PRDM14: variants seen among roughly 807,000 people sequenced by gnomAD.
PRDM14 encodes PR/SET domain 14.
Under a neutral mutation model 48.0 loss-of-function variants are expected in PRDM14, and 16 were observed. The ratio of observed to expected loss-of-function variants is 0.33; its 90% confidence interval spans 0.23 to 0.51. PRDM14 has a LOEUF of 0.51. PRDM14 is among the 20% of genes least tolerant of loss of function. The probability of loss-of-function intolerance (pLI) is 0.97; values close to 1 mark genes in which losing one functional copy is unlikely to be tolerated. For synonymous variants in PRDM14, 264 were observed against 276.6 expected (o/e 0.95, Z 0.45); for missense variants, 566 against 719.6 (o/e 0.79, Z 2.44).
chr8:70,061,510 G>T (rs942103500), intron 5 of PRDM14, among the ~76,000 whole-genome samples: 1 of 152,146 alleles, frequency 6.6e-6, no homozygotes, highest in Non-Finnish European at 1.5e-5. Flanking sequence ...CCATCGCCCT[G>T]CTCTGTCTAT....
intron 6 of PRDM14, among the ~76,000 whole-genome samples, chr8:70,057,646 T>G (rs1805498314): frequency 6.6e-6 from 1 of 152,198 alleles, no homozygotes; most frequent in African/African-American, 2.4e-5. Context: ...AGCCATAATT[T>G]ATATAATCAA....
At chr8:70,063,689 A>T (rs1477420147) in intron 5 of PRDM14, among the ~76,000 whole-genome samples, 1 of 151,718 alleles carries the variant, frequency 6.6e-6, no homozygotes, top group African/African-American at 2.4e-5. Context: ...CACCCAGCTA[A>T]TTTTTTGTAT....
chr8:70,063,888 G>A (rs1805624982), intron 5 of PRDM14, among the ~76,000 whole-genome samples: 1 of 152,154 alleles, frequency 6.6e-6, no homozygotes, highest in Admixed American at 6.6e-5. Flanking sequence ...TTGGTTTGGT[G>A]CTAAGTAGGA....
intron 5 of PRDM14, among the ~76,000 whole-genome samples, chr8:70,059,108 C>T (rs1433094355): frequency 6.6e-6 from 1 of 151,858 alleles, no homozygotes; most frequent in Non-Finnish European, 1.5e-5. Flanking sequence ...GTGCCCACTA[C>T]CACGCCTGGC....
In PRDM14 at chr8:70,068,228, AC is replaced by A. The variant is rs1329241340; in HGVS notation, c.912+1del. 1 of 1,614,042 alleles carries A rather than the reference AC, an allele frequency of 6.2e-7. No homozygotes were observed. Among genetic ancestry groups the A allele is most frequent in the Admixed American group, 1.7e-5 (1 of 60,006 alleles). Reference sequence around the variant, plus strand: ...CAGCAGACCCACCAGAAACAGATTTACCTCCCACATCACAGAATTGTCTCCG... The same window carrying A: ...CAGCAGACCCACCAGAAACAGATTTACTCCCACATCACAGAATTGTCTCCG... On this transcript the variant is annotated splice_donor_variant, in intron 4 of 7. Coordinates refer to ENST00000276594, the MANE Select transcript of PRDM14 (RefSeq NM_024504.4). LOFTEE classifies it high-confidence loss of function.
intron 4 of PRDM14, among the ~76,000 whole-genome samples, 196 bp downstream of exon 4, chr8:70,068,034 A>G (rs1805701271): frequency 6.6e-6 from 1 of 152,186 alleles, no homozygotes; most frequent in Admixed American, 6.5e-5. Context: ...AAAACACAGA[A>G]TTCATGCAGA....
At chr8:70,063,916 C>A (rs1805625215) in intron 5 of PRDM14, among the ~76,000 whole-genome samples, 1 of 152,202 alleles carries the variant, frequency 6.6e-6, no homozygotes, top group South Asian at 2.1e-4. Context: ...TAGAGCTCCA[C>A]AGATCATAGA....
intron 4 of PRDM14, among the ~76,000 whole-genome samples, chr8:70,066,921 A>C (rs922014528): frequency 5.3e-5 from 8 of 152,046 alleles, no homozygotes; most frequent in Admixed American, 1.3e-4. Flanking sequence ...TTGTAGAGAC[A>C]GGGCCTCACT....
At chr8:70,052,508 G>A (rs7012816) in intron 7 of PRDM14, among the ~76,000 whole-genome samples, 22,555 of 152,046 alleles carry the variant, frequency 0.15, 1,836 homozygotes, top group East Asian at 0.26. Flanking sequence ...GTTTTGAGAA[G>A]CACTGGATGT....
chr8:70,069,778 G>A lies in PRDM14; in HGVS notation c.83C>T (p.Ala28Val), dbSNP rs1262764228. The change falls in exon 2 of 8, where the codon GCG (alanine) becomes GTG (valine). Residue 28 changes from alanine to valine, a missense_variant. This residue lies in a region of PRDM14 where 410 missense variants were observed against 424.6 expected (regional missense o/e 0.97). Transcript: ENST00000276594. ...ATAGGACGGGAAAGGCGTGTAGTAC[G>A]CGGCCAGGTTCTGCGGGCTGCTCTC... ...PPESSPQNLA[A>V]YYTPFPSYGH... 4 of 1,609,768 alleles carry A rather than the reference G, an allele frequency of 2.5e-6. No individual in the cohort carries two copies. The highest frequency in any genetic ancestry group is 2.2e-5 in the East Asian group (1 of 44,846).
chr8:70,069,849 G>C lies in PRDM14; in HGVS notation c.12C>G (p.Pro4=), dbSNP rs766590694. Residue 4 remains proline (P), a synonymous_variant, in exon 2 of 8, where the codon CCC becomes CCG. Transcript: ENST00000276594. The part of the protein sequence containing the change: MAL[P]RPSEAVPQDK... The stretch of plus-strand genomic sequence containing the variant: ...CCTGAGGCACGGCCTCACTTGGCCG[G>C]GGTAGAGCCATCCCGGGACCGCACG... 1 of 1,600,242 alleles carries C rather than the reference G, an allele frequency of 6.2e-7. No individual in the cohort carries two copies. The highest frequency in any genetic ancestry group is 8.5e-7 in the Non-Finnish European group (1 of 1,173,642).
In PRDM14 at chr8:70,052,056, G is replaced by GGGATTAC. The variant is rs773457126; in HGVS notation, c.*20_*21insGTAATCC. The GGGATTAC allele has an allele frequency of 6.5e-7, 1 of 1,534,756 alleles. No individual in the cohort carries two copies. The highest frequency in any genetic ancestry group is 1.4e-5 in the African/African-American group (1 of 73,642). On this transcript the variant is annotated 3_prime_UTR_variant, in exon 8 of 8. Coordinates refer to ENST00000276594, the MANE Select transcript of PRDM14 (RefSeq NM_024504.4). ...CCCAAAGTGCTGGGATTACAGGCGT[G>GGGATTAC]AGTCATTGTGCCTGGCAGGGCTAGT... is the stretch of plus-strand genomic sequence containing the variant.
At chr8:70,058,504 C>T (rs965029373) in intron 6 of PRDM14, 136 bp downstream of exon 6, 1 of 709,454 alleles carries the variant, frequency 1.4e-6, no homozygotes, top group Admixed American at 2.2e-5. Flanking sequence ...TAATACTATC[C>T]TCTCCTCCTT....
At chr8:70,067,295 C>A (rs752307597) in intron 4 of PRDM14, among the ~76,000 whole-genome samples, 13 of 152,082 alleles carry the variant, frequency 8.5e-5, no homozygotes, top group Admixed American at 6.6e-4. Flanking sequence ...CCAAAGCAGG[C>A]GGATCATGAG....
chr8:70,057,090 C>G (rs562233893), intron 6 of PRDM14, among the ~76,000 whole-genome samples: 1 of 151,602 alleles, frequency 6.6e-6, no homozygotes. Flanking sequence ...CTCAGCCTCC[C>G]GAGTAGGTGG....
intron 5 of PRDM14, among the ~76,000 whole-genome samples, chr8:70,059,841 C>T (rs1174181172): frequency 6.6e-6 from 1 of 152,124 alleles, no homozygotes; most frequent in Non-Finnish European, 1.5e-5. Context: ...CGCCTATAAT[C>T]CCAGCACTTT....
chr8:70,055,494 T>A, intron 6 of PRDM14, 93 bp from the exon 7 acceptor site: 1 of 621,520 alleles, frequency 1.6e-6, no homozygotes, highest in Non-Finnish European at 2.8e-6. Context: ...AGAAGAACTC[T>A]TTTCCAATTT....
intron 5 of PRDM14, among the ~76,000 whole-genome samples, chr8:70,061,431 A>T (rs1436606020): frequency 6.6e-6 from 1 of 152,214 alleles, no homozygotes; most frequent in East Asian, 1.9e-4. Context: ...CACGTTTAAC[A>T]GGTGGCTAAG....
At chr8:70,070,003 C>T in intron 1 of PRDM14, 119 bp from the exon 2 acceptor site, 1 of 603,090 alleles carries the variant, frequency 1.7e-6, no homozygotes, top group East Asian at 2.8e-5. Flanking sequence ...ACAGGATAAA[C>T]GCCCCCAGTC....
Sources: gnomAD v4.1 joint callset for allele counts (sites outside exome capture counted in the v4.1 genomes callset) on GRCh38, gnomAD v4.1.1 for gene constraint, gnomAD v4.1.1 regional missense constraint, MANE v1.5 for transcripts, NCBI Gene and HGNC (gene_info 2026-07-23, HGNC 2026-07-21) for gene names.